TRIM16: variants seen among roughly 807,000 people sequenced by gnomAD.
TRIM16 encodes the protein tripartite motif-containing protein 16.
In TRIM16, 33 loss-of-function variants were observed where a neutral mutation model predicts 50.4. The observed-to-expected ratio is 0.65, with a 90% confidence interval of 0.50 to 0.88. The LOEUF (loss-of-function observed/expected upper bound fraction) is 0.88, where lower values mean the gene tolerates loss of function less well. TRIM16 is among the 40% of genes least tolerant of loss of function. The pLI is 0.00. For synonymous variants in TRIM16, 229 were observed against 270.7 expected (o/e 0.85, Z 1.51); for missense variants, 581 against 686.8 (o/e 0.85, Z 1.72).
At chr17:15,664,253 C>T (rs991445919) in intron 6 of TRIM16, among the ~76,000 whole-genome samples, 4 of 152,184 alleles carry the variant, frequency 2.6e-5, no homozygotes, top group Non-Finnish European at 2.9e-5. Flanking sequence ...AAACAGAGCA[C>T]GTAGCAGGAC....
chr17:15,657,389 AC>A (rs1250797378), intron 6 of TRIM16, among the ~76,000 whole-genome samples: 1 of 152,186 alleles, frequency 6.6e-6, no homozygotes, highest in African/African-American at 2.4e-5. Context: ...GGTGCACACT[AC>A]TGTGCCTGGC....
intron 8 of TRIM16, 29 bp downstream of exon 8, chr17:15,642,692 C>G (rs1458004794): frequency 1.3e-6 from 1 of 776,316 alleles, no homozygotes; most frequent in African/African-American, 1.9e-5. Flanking sequence ...CACACCCTCA[C>G]AGGCCTGGCT....
chr17:15,665,168 A>C (rs531518150), intron 6 of TRIM16, among the ~76,000 whole-genome samples: 1 of 152,220 alleles, frequency 6.6e-6, no homozygotes, highest in South Asian at 2.1e-4. Context: ...CTGAAAACCA[A>C]CTTTTCATTA....
chr17:15,629,116 G>A lies in TRIM16; in HGVS notation c.1194C>T (p.Thr398=), dbSNP rs7225221. 9.8e-3 allele frequency: 15,747 copies of A among 1,613,466 alleles called. 1,424 individuals are homozygous for A. In the African/African-American group the frequency reaches 0.19, roughly 19 times the overall value. ...CCGGGTAGGGATGCTCCCAGGGCGT[G>A]GTGTTGGTGACCTTGCGGTTCTCCT... is the stretch of plus-strand genomic sequence containing the variant. ...LQEENRKVTN[T]TPWEHPYPDL... is the part of the protein sequence containing the mutation. Residue 398 remains threonine (T), a synonymous_variant, in exon 12 of 12, where the codon ACC becomes ACT. Transcript: ENST00000649191.
rs1382351513 is a variant in TRIM16, at chr17:15,628,985, A to G, written c.1325T>C (p.Val442Ala). The change falls in exon 12 of 12, where the codon GTT becomes GCT. Residue 442 changes from valine (V) to alanine (A), a missense_variant. Around this residue, in one of 3 missense-constraint regions of TRIM16, gnomAD observed 450 missense variants for 544.3 expected, o/e 0.83. Coordinates refer to ENST00000649191, the MANE Select transcript of TRIM16 (RefSeq NM_001348119.1). ...EVEIFGAGTY[V>A]GLTCKGIDRK... Reference sequence around the variant, plus strand: ...GTCGATGCCTTTGCAGGTCAGGCCAACATAGGTGCCTGCCCCGAAGATCTC... The same window carrying G: ...GTCGATGCCTTTGCAGGTCAGGCCAGCATAGGTGCCTGCCCCGAAGATCTC... 6.2e-7 allele frequency: 1 copy of G among 1,614,100 alleles called. No individual in the cohort carries two copies. The highest frequency in any genetic ancestry group is 8.5e-7 in the Non-Finnish European group (1 of 1,179,994).
rs756540319 is a variant in TRIM16 at position 15,628,572 on chromosome 17, C to G, written c.*43G>C. The G allele has an allele frequency of 6.6e-7, 1 of 1,522,950 alleles. No individual in the cohort carries two copies. Among genetic ancestry groups the G allele is most frequent in the African/African-American group, 1.4e-5 (1 of 72,192 alleles). The allele number at this position is 1,522,950 out of a possible 1,614,324, so 94.3% of individuals were successfully genotyped here. Reference sequence around the variant, plus strand: ...CCAAATCACCCTAAAATGCAAATCCCATCACTGTAGCTGGCAAAGGTCTGG... The same window carrying G: ...CCAAATCACCCTAAAATGCAAATCCGATCACTGTAGCTGGCAAAGGTCTGG... On this transcript the variant is annotated 3_prime_UTR_variant, in exon 12 of 12. Transcript: ENST00000649191.
intron 6 of TRIM16, among the ~76,000 whole-genome samples, chr17:15,672,749 AAACT>A (rs1988777616): frequency 1.3e-5 from 2 of 152,100 alleles, no homozygotes; most frequent in Non-Finnish European, 1.5e-5. Flanking sequence ...ACAAACAAAC[AAACT>A]AATCTGAGAG....
At chr17:15,650,758 A>G (rs1415166009) in intron 7 of TRIM16, among the ~76,000 whole-genome samples, 2 of 152,130 alleles carry the variant, frequency 1.3e-5, no homozygotes, top group East Asian at 3.9e-4. Context: ...CTAAGCCCCC[A>G]CAACTTCTGC....
chr17:15,633,156 G>A (rs1218700599), intron 9 of TRIM16, among the ~76,000 whole-genome samples: 1 of 152,094 alleles, frequency 6.6e-6, no homozygotes, highest in East Asian at 1.9e-4. Context: ...TTTGGAAAGT[G>A]TTTTCACACT....
At chr17:15,654,531 G>A (rs150380318) in intron 6 of TRIM16, 1 of 152,348 alleles carries the variant, frequency 6.6e-6, no homozygotes, top group East Asian at 1.9e-4. Context: ...AAGAGCTGAA[G>A]TCCTTTAAAA....
At chr17:15,633,699 C>A (rs1247668454) in intron 9 of TRIM16, among the ~76,000 whole-genome samples, 1 of 146,520 alleles carries the variant, frequency 6.8e-6, no homozygotes, top group Non-Finnish European at 1.5e-5. Context: ...CACCACCATG[C>A]CTGGCTAATT....
At chr17:15,647,858 T>C (rs1352883314) in intron 7 of TRIM16, among the ~76,000 whole-genome samples, 2 of 139,022 alleles carry the variant, frequency 1.4e-5, no homozygotes, top group African/African-American at 5.8e-5. Flanking sequence ...CACAGTCTCA[T>C]TTCTACATAG....
chr17:15,649,753 T>C (rs1412410899), intron 7 of TRIM16, among the ~76,000 whole-genome samples: 8 of 152,294 alleles, frequency 5.3e-5, no homozygotes, highest in African/African-American at 1.7e-4. Flanking sequence ...AGGCTTCCAT[T>C]CCTCACTCCG....
Position 15,651,653 on chromosome 17 carries a change from C to A in TRIM16, c.-44G>T. On this transcript the variant is annotated 5_prime_UTR_variant, in exon 7 of 12. Transcript: ENST00000649191. ...AGGCTGTCTTTCTTCTGTCCCTTGG[C>A]CCAGGATCTGTGCAGCCCAAGTCAG... 6.3e-7 allele frequency: 1 copy of A among 1,589,932 alleles called. No homozygotes were observed.
intron 6 of TRIM16, among the ~76,000 whole-genome samples, chr17:15,669,802 G>C (rs489698): frequency 0.75 from 114,272 of 152,192 alleles, 43,051 homozygotes; most frequent in South Asian, 0.83. Flanking sequence ...TGCTACTGCC[G>C]TTTTGGGTGG....
Position 15,628,824 on chromosome 17 carries a change from C to T in TRIM16, c.1486G>A (p.Gly496Arg), listed in dbSNP as rs1986241726. 3.7e-6 allele frequency: 6 copies of T among 1,614,050 alleles called. No homozygotes were observed. The highest frequency in any genetic ancestry group is 1.7e-5 in the Admixed American group (1 of 60,004). ...PLKAGPFRRL[G>R]VYIDFPGGIL... ...CCTCCCGGGAAGTCGATATAGACCCCGAGCCTCCGGAAAGGGCCAGCTTTG... is the reference window on the plus strand; with the variant it reads ...CCTCCCGGGAAGTCGATATAGACCCTGAGCCTCCGGAAAGGGCCAGCTTTG... The change falls in exon 12 of 12, where the codon GGG (glycine) becomes AGG (arginine). Residue 496 changes from glycine (G) to arginine (R), a missense_variant. Gly to Arg is a moderately radical substitution (Grantham distance 125). This residue lies in a region of TRIM16 where 115 missense variants were observed against 106.7 expected (regional missense o/e 1.08). Transcript: ENST00000649191.
At chr17:15,644,194 T>C (rs766378852) in intron 7 of TRIM16, among the ~76,000 whole-genome samples, 24 of 152,116 alleles carry the variant, frequency 1.6e-4, no homozygotes, top group Non-Finnish European at 2.9e-4. Context: ...TTTGTGTCTT[T>C]GTTTATTTTG....
At chr17:15,654,379 C>A (rs375463008) in intron 6 of TRIM16, 1 of 152,178 alleles carries the variant, frequency 6.6e-6, no homozygotes, top group Non-Finnish European at 1.5e-5. Flanking sequence ...TCTTTCTGAT[C>A]CTGGCCAGGG....
intron 6 of TRIM16, chr17:15,658,780 G>T (rs190062090): frequency 2.0e-6 from 2 of 985,026 alleles, no homozygotes; most frequent in Admixed American, 1.2e-4. Context: ...CTAGAAACCA[G>T]CCCAGAATTT....
Sources: gnomAD v4.1 joint callset for allele counts (sites outside exome capture counted in the v4.1 genomes callset) on GRCh38, gnomAD v4.1.1 for gene constraint, gnomAD v4.1.1 regional missense constraint, MANE v1.5 for transcripts, NCBI Gene and HGNC (gene_info 2026-07-23, HGNC 2026-07-21) for gene names.